The following ASIC2 variants were observed in gnomAD, a reference collection of about 807,000 sequenced individuals.
The protein encoded by ASIC2 is acid-sensing ion channel 2.
A neutral mutation model predicts 57.3 loss-of-function variants in ASIC2; 25 were observed. That is an observed-to-expected ratio of 0.44 (90% CI 0.32 to 0.61). ASIC2 has a LOEUF of 0.61. ASIC2 is among the 20% of genes least tolerant of loss of function. The pLI, the probability that ASIC2 is intolerant of heterozygous loss-of-function variation, is 0.06. For synonymous variants in ASIC2, 319 were observed against 307.5 expected (o/e 1.04, Z -0.39); for missense variants, 641 against 738.1 (o/e 0.87, Z 1.52).
chr17:34,026,845 G>C (rs1282908654), intron 1 of ASIC2, among the ~76,000 whole-genome samples: 4 of 152,202 alleles, frequency 2.6e-5, no homozygotes, highest in Non-Finnish European at 4.4e-5. Flanking sequence ...ACCCACTTGG[G>C]AAAGGCTCGG....
chr17:34,151,792 C>A (rs1286413904), intron 1 of ASIC2, among the ~76,000 whole-genome samples: 1 of 152,094 alleles, frequency 6.6e-6, no homozygotes, highest in African/African-American at 2.4e-5. Context: ...AGAGGCCTAC[C>A]CTGCTCTAGG....
intron 1 of ASIC2, among the ~76,000 whole-genome samples, chr17:33,705,208 G>A (rs1400858537): frequency 1.3e-5 from 2 of 152,076 alleles, no homozygotes. Flanking sequence ...AGAACACTAT[G>A]GAGTTAGATA....
chr17:34,039,706 T>C, intron 1 of ASIC2: 1 of 1,612,416 alleles, frequency 6.2e-7, no homozygotes, highest in Non-Finnish European at 8.5e-7. Context: ...GTCATTCTGC[T>C]TTTTCTTGGG....
At chr17:33,148,082 A>G (rs1447782347) in intron 1 of ASIC2, among the ~76,000 whole-genome samples, 1 of 152,222 alleles carries the variant, frequency 6.6e-6, no homozygotes, top group Non-Finnish European at 1.5e-5. Flanking sequence ...AAGCATCCCT[A>G]AAATGTAAAG....
chr17:33,583,506 G>T (rs1904512254), intron 1 of ASIC2, among the ~76,000 whole-genome samples: 1 of 152,110 alleles, frequency 6.6e-6, no homozygotes, highest in African/African-American at 2.4e-5. Context: ...CCCCAACCAT[G>T]ACCTTCCTTC....
chr17:33,976,707 C>T (rs1905400801), intron 1 of ASIC2: 1 of 152,134 alleles, frequency 6.6e-6, no homozygotes, highest in Admixed American at 6.5e-5. Context: ...CATCAGAAGG[C>T]TACTTTGTTC....
chr17:33,022,656 T>C (rs1221445542), intron 6 of ASIC2, among the ~76,000 whole-genome samples: 1 of 152,238 alleles, frequency 6.6e-6, no homozygotes, highest in Non-Finnish European at 1.5e-5. Context: ...CATGCTTCCA[T>C]TCATTTATTC....
At chr17:34,015,191 G>T (rs555833409) in intron 1 of ASIC2, among the ~76,000 whole-genome samples, 1 of 151,302 alleles carries the variant, frequency 6.6e-6, no homozygotes, top group East Asian at 2.0e-4. Context: ...CTACAGGGAC[G>T]AGCAACTATG....
At chr17:33,660,775 C>A (rs1907232035) in intron 1 of ASIC2, among the ~76,000 whole-genome samples, 1 of 152,212 alleles carries the variant, frequency 6.6e-6, no homozygotes, top group Non-Finnish European at 1.5e-5. Context: ...TCTTACGGAA[C>A]CACTGTCGTT....
At chr17:33,471,933 GA>G (rs1913064285) in intron 1 of ASIC2, among the ~76,000 whole-genome samples, 1 of 151,940 alleles carries the variant, frequency 6.6e-6, no homozygotes, top group Non-Finnish European at 1.5e-5. Context: ...GACAAATGAG[GA>G]AACTGAGGCT....
intron 1 of ASIC2, among the ~76,000 whole-genome samples, chr17:33,599,160 T>A (rs1459182311): frequency 6.6e-6 from 1 of 152,200 alleles, no homozygotes; most frequent in Admixed American, 6.5e-5. Context: ...TTGAGACACA[T>A]AAGAAATATT....
intron 1 of ASIC2, among the ~76,000 whole-genome samples, chr17:33,832,485 G>A (rs1597894740): frequency 6.6e-6 from 1 of 152,312 alleles, no homozygotes; most frequent in African/African-American, 2.4e-5. Flanking sequence ...AGGCAGTTCA[G>A]GACGTTGGAG....
At chr17:33,849,640 G>T (rs940726936) in intron 1 of ASIC2, among the ~76,000 whole-genome samples, 1 of 152,188 alleles carries the variant, frequency 6.6e-6, no homozygotes, top group Non-Finnish European at 1.5e-5. Flanking sequence ...GTATGGAAGG[G>T]TGATTAAGAG....
rs1382633667 is a variant in ASIC2 at position 34,142,881 on chromosome 17, T to A, written c.555+13097A>T. 5.3e-5 allele frequency: 8 copies of A among 152,336 alleles called. No homozygotes were observed. In the South Asian group the frequency reaches 1.2e-3, roughly 24 times the overall value. The allele number at this position is 152,336 out of a possible 1,614,324, so 9.4% of individuals were successfully genotyped here. Reference sequence around the variant, plus strand: ...CTGGATAGGGATACTCATTTCCTCATGTGAGACCCCTGAGCCCACTAGTTG... The same window carrying A: ...CTGGATAGGGATACTCATTTCCTCAAGTGAGACCCCTGAGCCCACTAGTTG... On this transcript the variant is annotated intron_variant, in intron 1 of 9. Coordinates refer to the ASIC2 transcript ENST00000359872.
At chr17:34,022,195 C>T (rs1274117207) in intron 1 of ASIC2, among the ~76,000 whole-genome samples, 1 of 152,170 alleles carries the variant, frequency 6.6e-6, no homozygotes, top group Non-Finnish European at 1.5e-5. Flanking sequence ...TAAGACTCCT[C>T]TCTACCTCTG....
chr17:33,689,643 G>A (rs1443012542), intron 1 of ASIC2, among the ~76,000 whole-genome samples: 1 of 152,162 alleles, frequency 6.6e-6, no homozygotes, highest in South Asian at 2.1e-4. Context: ...GCCATGTCCA[G>A]ATCCCTGCAG....
chr17:33,662,649 A>AAAT (rs1228888015), intron 1 of ASIC2, among the ~76,000 whole-genome samples: 2 of 142,406 alleles, frequency 1.4e-5, no homozygotes, highest in East Asian at 4.4e-4. Flanking sequence ...ATAAATAAAT[A>AAAT]AATAAATAAA....
At chr17:33,171,250 G>A (rs923897480) in intron 1 of ASIC2, among the ~76,000 whole-genome samples, 1 of 152,160 alleles carries the variant, frequency 6.6e-6, no homozygotes, top group Non-Finnish European at 1.5e-5. Context: ...CAAAGCCATT[G>A]GTTTCAGTTG....
upstream of ASIC2, among the ~76,000 whole-genome samples, chr17:33,293,474 T>G (rs1448814059): frequency 6.6e-6 from 1 of 151,852 alleles, no homozygotes; most frequent in Non-Finnish European, 1.5e-5. Context: ...GGGAGCGGGA[T>G]GGGGATGCGC....
Sources: gnomAD v4.1 joint callset for allele counts (sites outside exome capture counted in the v4.1 genomes callset) on GRCh38, gnomAD v4.1.1 for gene constraint, MANE v1.5 for transcripts, NCBI Gene and HGNC (gene_info 2026-07-23, HGNC 2026-07-21) for gene names.